CENPO: variants seen among roughly 807,000 people sequenced by gnomAD.
CENPO encodes centromere protein O.
Under a neutral mutation model 36.1 loss-of-function variants are expected in CENPO, and 30 were observed. The observed-to-expected ratio is 0.83, with a 90% CI of 0.62 to 1.13. The LOEUF (loss-of-function observed/expected upper bound fraction) is 1.13. CENPO is among the 50% of genes most tolerant of loss of function. CENPO has a pLI of 0.00. For synonymous variants in CENPO, 171 were observed against 142.3 expected (o/e 1.20, Z -1.44); for missense variants, 349 against 357.8 (o/e 0.98, Z 0.20).
chr2:24,820,244 C>T lies in CENPO; in HGVS notation c.*926C>T. 1 of 1,196,152 alleles carries T rather than the reference C, an allele frequency of 8.4e-7. No individual in the cohort carries two copies. Among genetic ancestry groups the T allele is most frequent in the Non-Finnish European group, 1.1e-6 (1 of 903,216 alleles). 74.1% of individuals were successfully genotyped at this position (1,196,152 alleles called of 1,614,324 possible). ...CAAGCAGTACGGGACACTCCCCAAA[C>T]CTCCCAGGGCCAAGCCCTTCCACCC... On this transcript the variant is annotated 3_prime_UTR_variant, in exon 8 of 8. Transcript: ENST00000380834.
rs1365349483 is a variant in CENPO at position 24,822,296 on chromosome 2, C to A, written c.*2978C>A. ...AGAACACAACCATCTTAGGCCTGAG[C>A]TGTGAACAGCAGGGGGTTGTGTGTC... On this transcript the variant is annotated 3_prime_UTR_variant, in exon 8 of 8. Transcript: ENST00000380834. 5.1e-6 allele frequency: 3 copies of A among 587,114 alleles called. No individual in the cohort carries two copies. The highest frequency in any genetic ancestry group is 8.6e-6 in the Non-Finnish European group (3 of 348,940). 36.4% of individuals were successfully genotyped at this position (587,114 alleles called of 1,614,324 possible).
chr2:24,816,838 C>G, intron 6 of CENPO, 21 bp downstream of exon 6: 1 of 1,558,572 alleles, frequency 6.4e-7, no homozygotes, highest in African/African-American at 1.4e-5. Flanking sequence ...TGCCTCAGTG[C>G]AGAAATTCTC....
rs370086084 is a variant in CENPO at position 24,815,723 on chromosome 2, C to T, written c.561C>T (p.Tyr187=). 5 of 1,614,030 alleles carry T rather than the reference C, an allele frequency of 3.1e-6. No individual in the cohort carries two copies. In the African/African-American group the frequency reaches 6.7e-5, roughly 22 times the overall value. ...GTCTCTGCGAGTACCTGAATGCTTA[C>T]TCTGGGAGGAAGTACCAGGCAGACC... is the stretch of plus-strand genomic sequence containing the variant. ...LFSLCEYLNA[Y]SGRKYQADRL... The change falls in exon 5 of 8, where the codon TAC becomes TAT. Residue 187 remains tyrosine (Y), a synonymous_variant. Coordinates refer to ENST00000380834, the MANE Select transcript of CENPO (RefSeq NM_001322101.2).
At chr2:24,797,741 A>G (rs887064828) in intron 2 of CENPO, among the ~76,000 whole-genome samples, 4 of 152,230 alleles carry the variant, frequency 2.6e-5, no homozygotes, top group African/African-American at 9.6e-5. Flanking sequence ...TTCAGAGGAA[A>G]AGAGGGTTTC....
chr2:24,820,899 G>A lies in CENPO; in HGVS notation c.*1581G>A. 1.2e-6 allele frequency: 2 copies of A among 1,602,022 alleles called. No individual in the cohort carries two copies. Among genetic ancestry groups the A allele is most frequent in the Middle Eastern group, 1.7e-4 (1 of 5,996 alleles). ...ACAGCCACAGGCCACACCTTGTTAT[G>A]GGCCTCAGAAGCCATCTCCTCTCCA... On this transcript the variant is annotated 3_prime_UTR_variant, in exon 8 of 8. Transcript: ENST00000380834.
In CENPO at chr2:24,819,881, C is replaced by CA. The variant is rs760349920; in HGVS notation, c.*569dup. 1.3e-6 allele frequency: 2 copies of CA among 1,582,092 alleles called. No homozygotes were observed. The highest frequency in any genetic ancestry group is 8.6e-7 in the Non-Finnish European group (1 of 1,163,904). ...GGAAGGTCGGGACTTCCTTCAGTTT[C>CA]AAAAAATAAATTCTCCCTTCCGGTT... On this transcript the variant is annotated 3_prime_UTR_variant, in exon 8 of 8. Coordinates refer to ENST00000380834, the MANE Select transcript of CENPO (RefSeq NM_001322101.2).
At chr2:24,808,044 C>T (rs561652208) in intron 3 of CENPO, among the ~76,000 whole-genome samples, 1 of 152,204 alleles carries the variant, frequency 6.6e-6, no homozygotes, top group East Asian at 1.9e-4. Context: ...TTAGAGTCTT[C>T]CTTAGACTGT....
At chr2:24,798,265 G>A (rs1209681353) in intron 2 of CENPO, among the ~76,000 whole-genome samples, 1 of 117,590 alleles carries the variant, frequency 8.5e-6, no homozygotes, top group Non-Finnish European at 1.9e-5. Flanking sequence ...GTGTGTGTGT[G>A]TATGTGTGTG....
chr2:24,815,036 G>A (rs1445631850), intron 4 of CENPO, among the ~76,000 whole-genome samples: 4 of 151,976 alleles, frequency 2.6e-5, no homozygotes, highest in Non-Finnish European at 5.9e-5. Flanking sequence ...CCAGGAGTTC[G>A]AGACCAGCCT....
chr2:24,821,424 G>C lies in CENPO; in HGVS notation c.*2106G>C. 6.5e-7 allele frequency: 1 copy of C among 1,540,364 alleles called. No individual in the cohort carries two copies. The highest frequency in any genetic ancestry group is 1.8e-4 in the Middle Eastern group (1 of 5,666). ...GAACCTCCCCACCCGAATTGCCTCA[G>C]TTGTCCTGAGCCTCATGTCTCTCCT... On this transcript the variant is annotated 3_prime_UTR_variant, in exon 8 of 8. Coordinates refer to ENST00000380834, the MANE Select transcript of CENPO (RefSeq NM_001322101.2).
Position 24,821,963 on chromosome 2 carries a change from C to G in CENPO, c.*2645C>G. ...TCAGGTTGTCCTTGTTTGGATCCCT[C>G]AACTAGGTGATAAGCACTGGAGGGG... On this transcript the variant is annotated 3_prime_UTR_variant, in exon 8 of 8. Transcript: ENST00000380834. 3.3e-6 allele frequency: 1 copy of G among 299,540 alleles called. No individual in the cohort carries two copies. The highest frequency in any genetic ancestry group is 6.3e-6 in the Non-Finnish European group (1 of 158,864). 18.6% of individuals were successfully genotyped at this position (299,540 alleles called of 1,614,324 possible).
At chr2:24,796,307 T>A (rs536648341) in intron 2 of CENPO, among the ~76,000 whole-genome samples, 3 of 152,038 alleles carry the variant, frequency 2.0e-5, no homozygotes, top group Non-Finnish European at 4.4e-5. Context: ...TGAGCTGAGA[T>A]CGCGCCACTG....
At chr2:24,807,949 T>C (rs189577868) in intron 3 of CENPO, among the ~76,000 whole-genome samples, 15 of 152,348 alleles carry the variant, frequency 9.8e-5, no homozygotes, top group Non-Finnish European at 2.1e-4. Flanking sequence ...TTCAAGGCCT[T>C]TGTGAAATTT....
Position 24,821,238 on chromosome 2 carries a change from G to A in CENPO, c.*1920G>A. On this transcript the variant is annotated 3_prime_UTR_variant, in exon 8 of 8. Transcript: ENST00000380834. Reference sequence around the variant, plus strand: ...CTCAGCAGGCACAGCAACCCCTCTGGAAATGGATCACAAACTCACTTCTCA... The same window carrying A: ...CTCAGCAGGCACAGCAACCCCTCTGAAAATGGATCACAAACTCACTTCTCA... 2.2e-6 allele frequency: 1 copy of A among 462,758 alleles called. No individual in the cohort carries two copies. Among genetic ancestry groups the A allele is most frequent in the South Asian group, 3.0e-5 (1 of 33,792 alleles). 28.7% of individuals were successfully genotyped at this position (462,758 alleles called of 1,614,324 possible).
At position 24,820,255 on chromosome 2, in the gene CENPO, C is replaced by T; in HGVS notation, c.*937C>T. ...GGACACTCCCCAAACCTCCCAGGGC[C>T]AAGCCCTTCCACCCGTGGCGAGCAG... On this transcript the variant is annotated 3_prime_UTR_variant, in exon 8 of 8. Coordinates refer to ENST00000380834, the MANE Select transcript of CENPO (RefSeq NM_001322101.2). 1 of 1,198,356 alleles carries T rather than the reference C, an allele frequency of 8.3e-7. No individual in the cohort carries two copies. Among genetic ancestry groups the T allele is most frequent in the Non-Finnish European group, 1.1e-6 (1 of 910,220 alleles). The allele number at this position is 1,198,356 out of a possible 1,614,324, so 74.2% of individuals were successfully genotyped here.
Position 24,821,867 on chromosome 2 carries a change from G to A in CENPO, c.*2549G>A, listed in dbSNP as rs971060659. The A allele has an allele frequency of 1.5e-5, 8 of 539,882 alleles. No homozygotes were observed. The highest frequency in any genetic ancestry group is 3.5e-5 in the Admixed American group (1 of 28,294). 33.4% of individuals were successfully genotyped at this position (539,882 alleles called of 1,614,324 possible). A position where few individuals can be genotyped will look rare whatever the true frequency, so the allele number is the denominator to read the frequency against. On this transcript the variant is annotated 3_prime_UTR_variant, in exon 8 of 8. Transcript: ENST00000380834. ...GACTGGGCAATTGAGCAGAGGAGAC[G>A]GACCTGTGAGTCTGACCACGAGGCG...
At position 24,793,516 on chromosome 2, in the gene CENPO, A is replaced by G; in HGVS notation, c.-69+15A>G. 1 of 1,583,330 alleles carries G rather than the reference A, an allele frequency of 6.3e-7. No homozygotes were observed. The highest frequency in any genetic ancestry group is 8.6e-7 in the Non-Finnish European group (1 of 1,164,472). On this transcript the variant is annotated intron_variant, in intron 1 of 7. Coordinates refer to ENST00000380834, the MANE Select transcript of CENPO (RefSeq NM_001322101.2). ...TTCTGGCCTGGGTGAGCTAGAAGGGAGAAGGTAGGGGAAAGACCCATTGTC... is the reference window on the plus strand; with the variant it reads ...TTCTGGCCTGGGTGAGCTAGAAGGGGGAAGGTAGGGGAAAGACCCATTGTC...
intron 3 of CENPO, among the ~76,000 whole-genome samples, chr2:24,810,857 T>G (rs1205719306): frequency 6.6e-6 from 1 of 152,124 alleles, no homozygotes; most frequent in Non-Finnish European, 1.5e-5. Flanking sequence ...TAAATGACCT[T>G]ACGTTTAAGG....
intron 3 of CENPO, among the ~76,000 whole-genome samples, chr2:24,810,803 C>T (rs991856766): frequency 6.6e-6 from 1 of 151,746 alleles, no homozygotes; most frequent in East Asian, 1.9e-4. Context: ...CCACCGCACC[C>T]GGCCTGCAGG....
Sources: allele counts gnomAD v4.1 joint callset (sites outside exome capture counted in the v4.1 genomes callset), GRCh38; gene constraint gnomAD v4.1.1; transcripts MANE v1.5; gene names NCBI Gene and HGNC (gene_info 2026-07-23, HGNC 2026-07-21).